The following MACROD2 variants were observed in gnomAD, a reference collection of about 807,000 sequenced individuals.
MACROD2 encodes the protein mono-ADP ribosylhydrolase 2, also known as ADP-ribose glycohydrolase MACROD2.
Under a neutral mutation model 70.4 loss-of-function variants are expected in MACROD2, and 36 were observed. That is an observed-to-expected ratio of 0.51 (90% CI 0.39 to 0.68). The LOEUF is 0.68. Among genes scored for constraint, MACROD2 ranks in the 30% least tolerant of loss-of-function variants. MACROD2 has a pLI of 0.00. For synonymous variants in MACROD2, 172 were observed against 178.8 expected (o/e 0.96, Z 0.30); for missense variants, 496 against 538.4 (o/e 0.92, Z 0.78).
intron 3 of MACROD2, among the ~76,000 whole-genome samples, chr20:14,333,636 T>C (rs2082883013): frequency 5.3e-5 from 8 of 152,188 alleles, no homozygotes; most frequent in Admixed American, 5.2e-4. Flanking sequence ...TTTTTAACAG[T>C]GTGGGTACAA....
chr20:15,176,506 A>C (rs1229657261), intron 5 of MACROD2, among the ~76,000 whole-genome samples: 1 of 152,144 alleles, frequency 6.6e-6, no homozygotes, highest in Non-Finnish European at 1.5e-5. Context: ...CCTCAGGACT[A>C]CCAGCTGCAG....
Position 15,030,666 on chromosome 20 carries a change from C to CAGACAGAT in MACROD2, c.419-199271_419-199270insCAGATAGA, listed in dbSNP as rs148062608. On this transcript the variant is annotated intron_variant, in intron 5 of 17. Transcript: ENST00000684519. ...TAAGGATAAAATATAGATAGATAGACAGATAGATAGATAGATAGATAGTCT... is the reference window on the plus strand; with the variant it reads ...TAAGGATAAAATATAGATAGATAGACAGACAGATAGATAGATAGATAGATAGATAGTCT... Among the ~76,000 whole-genome samples, 750 of 151,860 alleles carry CAGACAGAT rather than the reference C, an allele frequency of 4.9e-3. 11 individuals are homozygous for CAGACAGAT. Among genetic ancestry groups the CAGACAGAT allele is most frequent in the African/African-American group, 0.017 (715 of 41,268 alleles).
At chr20:14,648,630 A>C (rs866036893) in intron 4 of MACROD2, among the ~76,000 whole-genome samples, 5 of 151,860 alleles carry the variant, frequency 3.3e-5, no homozygotes, top group East Asian at 1.9e-4. Flanking sequence ...ACATATATAT[A>C]TATATATCTA....
intron 12 of MACROD2, among the ~76,000 whole-genome samples, chr20:15,962,470 A>G (rs2066076953): frequency 6.6e-6 from 1 of 152,216 alleles, no homozygotes; most frequent in South Asian, 2.1e-4. Flanking sequence ...AGTATTTTCA[A>G]TAACAACTTG....
intron 3 of MACROD2, among the ~76,000 whole-genome samples, chr20:14,437,284 A>C (rs188410779): frequency 6.2e-4 from 95 of 152,218 alleles, no homozygotes; most frequent in Non-Finnish European, 7.6e-4. Flanking sequence ...ATATTTGACA[A>C]TTCACTATGT....
At chr20:14,798,090 G>A (rs2122129766) in intron 5 of MACROD2, among the ~76,000 whole-genome samples, 1 of 152,110 alleles carries the variant, frequency 6.6e-6, no homozygotes, top group South Asian at 2.1e-4. Context: ...GTCAGGCTAT[G>A]GGGCTCTATG....
chr20:14,437,179 T>C (rs1275012194), intron 3 of MACROD2, among the ~76,000 whole-genome samples: 2 of 152,130 alleles, frequency 1.3e-5, no homozygotes, highest in Admixed American at 1.3e-4. Flanking sequence ...AAAAGAAAGG[T>C]AAGTGGTGAT....
At chr20:14,410,057 G>A (rs1197226202) in intron 3 of MACROD2, among the ~76,000 whole-genome samples, 2 of 152,136 alleles carry the variant, frequency 1.3e-5, no homozygotes, top group Non-Finnish European at 2.9e-5. Flanking sequence ...TAGATCAGAA[G>A]TGTTGGGGAG....
intron 6 of MACROD2, among the ~76,000 whole-genome samples, chr20:15,314,032 A>G (rs2077782205): frequency 6.6e-6 from 1 of 152,186 alleles, no homozygotes; most frequent in Non-Finnish European, 1.5e-5. Flanking sequence ...GAAATAATGA[A>G]TATCTAGGAC....
chr20:14,615,603 T>C (rs980721597), intron 4 of MACROD2, among the ~76,000 whole-genome samples: 1 of 151,956 alleles, frequency 6.6e-6, no homozygotes, highest in African/African-American at 2.4e-5. Flanking sequence ...AAGTATAGAT[T>C]TGTGGAGAAG....
intron 6 of MACROD2, among the ~76,000 whole-genome samples, chr20:15,393,121 A>G (rs1211760772): frequency 1.3e-5 from 2 of 152,100 alleles, no homozygotes; most frequent in South Asian, 2.1e-4. Flanking sequence ...TTCTCTGGCA[A>G]CAGGTGAATC....
intron 5 of MACROD2, among the ~76,000 whole-genome samples, chr20:14,963,273 G>A (rs2074600962): frequency 6.6e-6 from 1 of 152,094 alleles, no homozygotes; most frequent in Admixed American, 6.5e-5. Context: ...TGCAAGGGCT[G>A]AGAATTTCTC....
intron 5 of MACROD2, among the ~76,000 whole-genome samples, chr20:15,079,036 T>C (rs1225818954): frequency 1.3e-5 from 2 of 152,268 alleles, no homozygotes; most frequent in South Asian, 4.1e-4. Flanking sequence ...TCATTTTTCC[T>C]GTACACCATG....
chr20:14,780,221 C>A (rs951243358), intron 5 of MACROD2, among the ~76,000 whole-genome samples: 1 of 151,984 alleles, frequency 6.6e-6, no homozygotes, highest in Non-Finnish European at 1.5e-5. Context: ...AATAAGTGGT[C>A]AAATTAGGAT....
chr20:15,547,083 C>T lies in MACROD2; in HGVS notation c.645+47236C>T, dbSNP rs373094175. ...AGATCACCTGCCCCAATTTCAAACC[C>T]CAGCAATTGATATCAAAGTCTCCAC... is the stretch of plus-strand genomic sequence containing the variant. On this transcript the variant is annotated intron_variant, in intron 8 of 17. Transcript: ENST00000684519. Among the ~76,000 whole-genome samples, 30 of 152,282 alleles carry T rather than the reference C, an allele frequency of 2.0e-4. No homozygotes were observed. The South Asian group carries it at 5.8e-3, about 29-fold the overall frequency.
Position 13,999,531 on chromosome 20 carries a change from G to C in MACROD2, c.47-2757G>C, listed in dbSNP as rs1018210492. Reference sequence around the variant, plus strand: ...CCTATGAGGTAGGAAACTATATGAGGCGAAATATTGTGAGGTTAAGAGCTT... The same window carrying C: ...CCTATGAGGTAGGAAACTATATGAGCCGAAATATTGTGAGGTTAAGAGCTT... On this transcript the variant is annotated intron_variant, in intron 1 of 17. Transcript: ENST00000684519. 3.3e-5 allele frequency among the ~76,000 whole-genome samples: 5 copies of C among 152,278 alleles called. No individual in the cohort carries two copies. In the South Asian group the frequency reaches 1.0e-3, roughly 32 times the overall value.
At chr20:14,880,480 C>A (rs772340852) in intron 5 of MACROD2, among the ~76,000 whole-genome samples, 2 of 152,122 alleles carry the variant, frequency 1.3e-5, no homozygotes. Context: ...CAAGAGCCCA[C>A]GTAATAAATC....
intron 5 of MACROD2, among the ~76,000 whole-genome samples, chr20:15,164,195 AG>A (rs2076367574): frequency 2.0e-5 from 3 of 152,304 alleles, no homozygotes; most frequent in South Asian, 4.1e-4. Context: ...ATAAAACAAA[AG>A]TTACAATAAG....
chr20:14,941,907 C>G (rs922168851), intron 5 of MACROD2, among the ~76,000 whole-genome samples: 4 of 151,566 alleles, frequency 2.6e-5, no homozygotes, highest in East Asian at 1.9e-4. Flanking sequence ...TCTCAGCCTC[C>G]TTAGTATTTG....
Sources: gnomAD v4.1 joint callset for allele counts (sites outside exome capture counted in the v4.1 genomes callset) on GRCh38, gnomAD v4.1.1 for gene constraint, MANE v1.5 for transcripts, NCBI Gene and HGNC (gene_info 2026-07-23, HGNC 2026-07-21) for gene names.